Variants in MYH13 observed in about 807,000 individuals in gnomAD.
The protein encoded by MYH13 is myosin heavy chain 13.
MYH13 carries 177 observed loss-of-function variants against 232.1 expected under a neutral mutation model. The observed-to-expected ratio is 0.76, with a 90% CI of 0.67 to 0.86. The LOEUF is 0.86. Ranked by LOEUF, MYH13 falls within the 40% of genes least tolerant of loss-of-function variation. The probability of loss-of-function intolerance (pLI) is 0.00; values close to 1 mark genes in which losing one functional copy is unlikely to be tolerated. For synonymous variants in MYH13, 884 were observed against 923.5 expected (o/e 0.96, Z 0.78); for missense variants, 2,246 against 2,405.9 (o/e 0.93, Z 1.39).
rs1395977596 is a variant in MYH13 at position 10,304,121 on chromosome 17, G to C, written c.5467-623C>G. On this transcript the variant is annotated intron_variant, in intron 37 of 40. Transcript: ENST00000252172. The surrounding 1 kb of genome is among the most constrained non-coding windows in gnomAD (Gnocchi z 5.3). ...ATCATACACTGGGACCTGTCAGGGG[G>C]CAGGGGGCTAGGGGAGGGATAGCAT... Among the ~76,000 whole-genome samples, 1 of 152,196 alleles carries C rather than the reference G, an allele frequency of 6.6e-6. No homozygotes were observed. Among genetic ancestry groups the C allele is most frequent in the Non-Finnish European group, 1.5e-5 (1 of 68,030 alleles).
chr17:10,324,380 A>G, intron 22 of MYH13, 116 bp from the exon 23 acceptor site: 1 of 1,235,576 alleles, frequency 8.1e-7, no homozygotes, highest in Non-Finnish European at 1.1e-6. Context: ...TGGGTCATGC[A>G]CACACATGCA....
intron 26 of MYH13, 81 bp from the exon 27 acceptor site, chr17:10,319,260 G>A: frequency 1.4e-6 from 2 of 1,475,334 alleles, no homozygotes; most frequent in South Asian, 2.7e-5. Context: ...TTGAGGAATT[G>A]CGGGTAGGCA....
intron 7 of MYH13, among the ~76,000 whole-genome samples, chr17:10,358,327 A>G (rs933305208): frequency 1.3e-5 from 2 of 152,144 alleles, no homozygotes; most frequent in South Asian, 2.1e-4. Flanking sequence ...TCAGAAATCC[A>G]CTACAGAAAG....
In MYH13 at chr17:10,343,949, A is replaced by G; in HGVS notation, c.1745T>C (p.Val582Ala). The G allele has an allele frequency of 1.2e-6, 2 of 1,614,226 alleles. No individual in the cohort carries two copies. Among genetic ancestry groups the G allele is most frequent in the Non-Finnish European group, 1.7e-6 (2 of 1,180,036 alleles). ...GTAGTCCACGGTGCCGGCATAGTGC[A>G]CCAGCGAGAAGTGAGCCTCAGCCTT... ...KGKAEAHFSL[V>A]HYAGTVDYNI... Residue 582 changes from valine to alanine, a missense_variant, in exon 16 of 41, where the codon GTG becomes GCG. By Grantham distance (64) the Val-to-Ala change is moderately conservative (BLOSUM62 0). Transcript: ENST00000252172.
intron 3 of MYH13, among the ~76,000 whole-genome samples, chr17:10,363,007 C>T (rs1432969946): frequency 6.6e-6 from 1 of 152,168 alleles, no homozygotes. Context: ...TCCCCTATTG[C>T]TTCAAGGCTC....
chr17:10,306,406 G>A lies in MYH13; in HGVS notation c.5466+53C>T, dbSNP rs528888626. 1.6e-5 allele frequency: 25 copies of A among 1,609,618 alleles called. No individual in the cohort carries two copies. The African/African-American group carries it at 3.1e-4, about 20-fold the overall frequency. On this transcript the variant is annotated intron_variant, in intron 37 of 40. Transcript: ENST00000252172. The surrounding 1 kb of genome is among the most constrained non-coding windows in gnomAD (Gnocchi z 4.3). ...CCCACCATCTCAGTTTCTGGACTGT[G>A]GTTCTGTCCGAGGCTGTCACTTTCA... is the stretch of plus-strand genomic sequence containing the variant.
At chr17:10,355,828 C>CTTTTTTTTTTTTTTTTTTTTTTTTTTT (rs61338527) in intron 8 of MYH13, among the ~76,000 whole-genome samples, 12 of 66,814 alleles carry the variant, frequency 1.8e-4, no homozygotes, top group African/African-American at 2.6e-4. Flanking sequence ...TTCTGTCTGA[C>CTTTTTTTTTTTTTTTTTTTTTTTTTTT]TTTTTTTTTT....
chr17:10,333,129 G>A lies in MYH13; in HGVS notation c.2119C>T (p.Arg707Trp), dbSNP rs572177108. 157 of 1,551,842 alleles carry A rather than the reference G, an allele frequency of 1.0e-4. 1 individual carries two copies. The highest frequency in any genetic ancestry group is 1.7e-4 in the Middle Eastern group (1 of 5,990). Residue 707 changes from arginine to tryptophan, a missense_variant, in exon 19 of 41, where the codon CGG becomes TGG. Coordinates refer to ENST00000252172, the MANE Select transcript of MYH13 (RefSeq NM_003802.3). The stretch of plus-strand genomic sequence containing the variant: ...CTGGGGAATCCCTTCCTGCAAATCC[G>A]GATGCCCTCGAGGACCCCGTTACAG... ...LRCNGVLEGIRICRKGFPSRI... is the reference protein window; with the variant it reads ...LRCNGVLEGIWICRKGFPSRI...
chr17:10,350,758 G>A (rs2071703169), intron 11 of MYH13, 64 bp from the exon 12 acceptor site: 3 of 1,596,272 alleles, frequency 1.9e-6, no homozygotes, highest in East Asian at 2.2e-5. Context: ...GCCTTTTCTT[G>A]GCAAAGACCT....
At chr17:10,341,933 T>A (rs568149881) in intron 16 of MYH13, among the ~76,000 whole-genome samples, 1 of 152,340 alleles carries the variant, frequency 6.6e-6, no homozygotes, top group South Asian at 2.1e-4. Context: ...TCATATATTT[T>A]ATTAATTTAT....
intron 22 of MYH13, among the ~76,000 whole-genome samples, chr17:10,327,360 G>A (rs536552007): frequency 2.4e-4 from 36 of 150,340 alleles, no homozygotes; most frequent in African/African-American, 8.3e-4. Flanking sequence ...TACCCAGGCT[G>A]GTCTTGAACT....
intron 20 of MYH13, among the ~76,000 whole-genome samples, chr17:10,331,893 A>C (rs561128327): frequency 6.6e-6 from 1 of 152,250 alleles, no homozygotes; most frequent in Admixed American, 6.5e-5. Context: ...GGTGGGGCTC[A>C]GGCTTCCAAT....
At chr17:10,355,845 T>A (rs948780981) in intron 8 of MYH13, among the ~76,000 whole-genome samples, 1 of 28,988 alleles carries the variant, frequency 3.4e-5, no homozygotes, top group African/African-American at 1.0e-4. Flanking sequence ...TTTTTTTTTT[T>A]TTTTTTTTTT....
At position 10,321,556 on chromosome 17, in the gene MYH13, G is replaced by T; in HGVS notation, c.3087C>A (p.Ala1029=). 1.9e-6 allele frequency: 3 copies of T among 1,612,574 alleles called. No individual in the cohort carries two copies. Among genetic ancestry groups the T allele is most frequent in the Non-Finnish European group, 2.5e-6 (3 of 1,179,586 alleles). Reference sequence around the variant, plus strand: ...CATCATCTGTTTGCTGTTCAAGCTTGGCATTTATTTTGATTAGACCATTGA... The same window carrying T: ...CATCATCTGTTTGCTGTTCAAGCTTTGCATTTATTTTGATTAGACCATTGA... ...DKVNGLIKIN[A]KLEQQTDDLE... The change falls in exon 24 of 41, where the codon GCC becomes GCA. Residue 1029 remains alanine, a synonymous_variant. Coordinates refer to ENST00000252172, the MANE Select transcript of MYH13 (RefSeq NM_003802.3).
In MYH13 at chr17:10,324,756, G is replaced by GTTTTTTTTTTTTTTT. The variant is rs56757162; in HGVS notation, c.2692-507_2692-493dup. On this transcript the variant is annotated intron_variant, in intron 22 of 40. Transcript: ENST00000252172. ...GTCACTGCACCTGGTCCATATACAT[G>GTTTTTTTTTTTTTTT]TTTTTTTTTTTTTTTTTTTTTTTTA... The GTTTTTTTTTTTTTTT allele has an allele frequency of 1.2e-4, 13 of 107,762 alleles. 2 individuals are homozygous for GTTTTTTTTTTTTTTT. Among genetic ancestry groups the GTTTTTTTTTTTTTTT allele is most frequent in the African/African-American group, 4.9e-4 (12 of 24,400 alleles). The allele number at this position is 107,762 out of a possible 1,614,324, so 6.7% of individuals were successfully genotyped here. A position where few individuals can be genotyped will look rare whatever the true frequency, so the allele number is the denominator to read the frequency against.
In MYH13 at chr17:10,357,988, C is replaced by T. The variant is rs571101505; in HGVS notation, c.646-161G>A. Among the ~76,000 whole-genome samples, 9 of 151,918 alleles carry T rather than the reference C, an allele frequency of 5.9e-5. No individual in the cohort carries two copies. In the South Asian group the frequency reaches 1.9e-3, roughly 32 times the overall value. ...CACCCACGCCCCCACCCCCACCAGA[C>T]CTGAGGCGTCTTCAAGGTACCATCT... is the stretch of plus-strand genomic sequence containing the variant. On this transcript the variant is annotated intron_variant, in intron 7 of 40. Coordinates refer to ENST00000252172, the MANE Select transcript of MYH13 (RefSeq NM_003802.3).
At chr17:10,327,420 A>G (rs917689885) in intron 22 of MYH13, among the ~76,000 whole-genome samples, 23 of 152,242 alleles carry the variant, frequency 1.5e-4, no homozygotes, top group Admixed American at 2.0e-4. Context: ...TGTTGGGCTT[A>G]CAGGCATGAG....
At chr17:10,371,797 A>T (rs2071879660) in intron 1 of MYH13, among the ~76,000 whole-genome samples, 1 of 152,076 alleles carries the variant, frequency 6.6e-6, no homozygotes, top group South Asian at 2.1e-4. Context: ...AAAAGTTATA[A>T]ATTGTGGACA....
chr17:10,322,893 A>C (rs1348980717), intron 23 of MYH13, among the ~76,000 whole-genome samples: 1 of 152,114 alleles, frequency 6.6e-6, no homozygotes, highest in East Asian at 1.9e-4. Flanking sequence ...TTGGCCTCCC[A>C]AAGTGCTGGG....
Sources: gnomAD v4.1 joint callset for allele counts (sites outside exome capture counted in the v4.1 genomes callset) on GRCh38, gnomAD v4.1.1 for gene constraint, Gnocchi (gnomAD v3.1) non-coding constraint, MANE v1.5 for transcripts, NCBI Gene and HGNC (gene_info 2026-07-23, HGNC 2026-07-21) for gene names.